The following GPBP1 variants were observed in gnomAD, a reference collection of about 807,000 sequenced individuals.
GPBP1 encodes vasculin.
Under a neutral mutation model 56.5 loss-of-function variants are expected in GPBP1, and 13 were observed. The ratio of observed to expected loss-of-function variants is 0.23; its 90% confidence interval spans 0.15 to 0.37. The LOEUF (loss-of-function observed/expected upper bound fraction) is 0.37, where lower values mean the gene tolerates loss of function less well. GPBP1 is among the 10% of genes least tolerant of loss of function. GPBP1 has a pLI of 1.00. For missense variants in GPBP1, 477 were observed against 572.3 expected, an observed-to-expected ratio of 0.83 and a Z score of 1.70; for synonymous variants, 204 against 188.9, an observed-to-expected ratio of 1.08 and a Z score of -0.66.
At chr5:57,185,201 A>G (rs1282332422) in intron 2 of GPBP1, among the ~76,000 whole-genome samples, 1 of 150,178 alleles carries the variant, frequency 6.7e-6, no homozygotes, top group Non-Finnish European at 1.5e-5. Context: ...AATGGGTGTT[A>G]GTTGTTATCA....
At chr5:57,209,099 T>C (rs934082981) in intron 2 of GPBP1, among the ~76,000 whole-genome samples, 8 of 152,244 alleles carry the variant, frequency 5.3e-5, no homozygotes, top group Admixed American at 5.2e-4. Flanking sequence ...AATTGAGTTG[T>C]TTTCCTAATT....
chr5:57,234,213 A>T (rs1225793569), intron 5 of GPBP1, among the ~76,000 whole-genome samples: 13 of 152,208 alleles, frequency 8.5e-5, no homozygotes, highest in African/African-American at 2.7e-4. Flanking sequence ...TTTAATATAT[A>T]TTAAGTACCT....
At chr5:57,252,103 C>T (rs1003029140) in intron 10 of GPBP1, among the ~76,000 whole-genome samples, 15 of 151,898 alleles carry the variant, frequency 9.9e-5, no homozygotes, top group Admixed American at 5.9e-4. Flanking sequence ...TTTTCATTCT[C>T]TCAGTAGTGC....
chr5:57,200,482 C>T (rs1579996904), intron 2 of GPBP1, among the ~76,000 whole-genome samples: 2 of 150,092 alleles, frequency 1.3e-5, no homozygotes, highest in Admixed American at 1.3e-4. Context: ...ATTCTTCTGC[C>T]TCAGCCTCCC....
intron 3 of GPBP1, among the ~76,000 whole-genome samples, chr5:57,217,848 C>CCT (rs764691365): frequency 6.6e-6 from 1 of 151,870 alleles, no homozygotes; most frequent in Non-Finnish European, 1.5e-5. Flanking sequence ...TGAAACCCTG[C>CCT]CTCTCTACAA....
Position 57,249,250 on chromosome 5 carries a change from G to T in GPBP1, c.805-159G>T, listed in dbSNP as rs986450453. ...AATTATTTTGTTGACTCATTCAGTA[G>T]GGGAAAAAACAGGGATAGAACTAGA... On this transcript the variant is annotated intron_variant, in intron 8 of 11. Coordinates refer to ENST00000506184, the MANE Select transcript of GPBP1 (RefSeq NM_022913.4). 4.4e-5 allele frequency: 22 copies of T among 505,048 alleles called. No homozygotes were observed. In the East Asian group the frequency reaches 7.1e-4, roughly 16 times the overall value. 31.3% of individuals were successfully genotyped at this position (505,048 alleles called of 1,614,324 possible). A position where few individuals can be genotyped will look rare whatever the true frequency, so the allele number is the denominator to read the frequency against.
rs2111589967 is a variant in GPBP1, at chr5:57,183,763, G to C, written c.-58+7363G>C. ...ATATTTTTTAATACGGGGGGGATAT[G>C]AATTTTTTTTTTTTTTTTTTGTTTT... On this transcript the variant is annotated intron_variant, in intron 2 of 11. Transcript: ENST00000506184. Among the ~76,000 whole-genome samples the C allele has an allele frequency of 3.1e-5, 4 of 129,602 alleles. No individual in the cohort carries two copies. In the South Asian group the frequency reaches 1.0e-3, roughly 32 times the overall value. 85.0% of individuals were successfully genotyped at this position (129,602 alleles called of 152,430 possible).
At chr5:57,250,018 C>A (rs1168514363) in intron 9 of GPBP1, among the ~76,000 whole-genome samples, 14 of 92,214 alleles carry the variant, frequency 1.5e-4, no homozygotes, top group Non-Finnish European at 3.0e-4. Context: ...ACTCTATCAC[C>A]CAAGCGGAGT....
chr5:57,262,813 A>C lies in GPBP1; in HGVS notation c.*61A>C. The C allele has an allele frequency of 7.0e-7, 1 of 1,430,242 alleles. No individual in the cohort carries two copies. Among genetic ancestry groups the C allele is most frequent in the South Asian group, 1.3e-5 (1 of 77,988 alleles). 88.6% of individuals were successfully genotyped at this position (1,430,242 alleles called of 1,614,324 possible). On this transcript the variant is annotated 3_prime_UTR_variant, in exon 12 of 12. Coordinates refer to ENST00000506184, the MANE Select transcript of GPBP1 (RefSeq NM_022913.4). ...TACATCTCTCATACAGTTTGGGGTG[A>C]ATTGTAAAAATGAAGAACTATAATT...
chr5:57,179,305 A>G (rs893503977), intron 2 of GPBP1, among the ~76,000 whole-genome samples: 6 of 152,152 alleles, frequency 3.9e-5, no homozygotes, highest in African/African-American at 1.2e-4. Flanking sequence ...CTGTTTTGCT[A>G]TTTGCAGTAA....
chr5:57,199,928 T>C (rs1046697456), intron 2 of GPBP1, among the ~76,000 whole-genome samples: 2 of 152,008 alleles, frequency 1.3e-5, no homozygotes, highest in Non-Finnish European at 2.9e-5. Flanking sequence ...GTTTTTTTTT[T>C]TCTTTTGGAA....
chr5:57,228,448 C>CT (rs1401984603), intron 3 of GPBP1, among the ~76,000 whole-genome samples: 1 of 143,642 alleles, frequency 7.0e-6, no homozygotes, highest in Non-Finnish European at 1.6e-5. Flanking sequence ...GAGCGAGACT[C>CT]TGTCTCAAAA....
At chr5:57,177,379 T>C (rs1753830369) in intron 2 of GPBP1, among the ~76,000 whole-genome samples, 1 of 152,156 alleles carries the variant, frequency 6.6e-6, no homozygotes, top group South Asian at 2.1e-4. Context: ...TCTCTTTGAC[T>C]AATGACAAAA....
intron 2 of GPBP1, among the ~76,000 whole-genome samples, chr5:57,200,201 A>G (rs964858373): frequency 1.9e-4 from 28 of 145,130 alleles, no homozygotes; most frequent in African/African-American, 6.9e-4. Flanking sequence ...TCGTTTTAGA[A>G]TTATGCTGCT....
In GPBP1 at chr5:57,175,608, G is replaced by A. The variant is rs1428636369; in HGVS notation, c.-850G>A. 5.0e-6 allele frequency: 2 copies of A among 397,110 alleles called. No homozygotes were observed. The highest frequency in any genetic ancestry group is 8.9e-6 in the Non-Finnish European group (2 of 225,488). 24.6% of individuals were successfully genotyped at this position (397,110 alleles called of 1,614,324 possible). On this transcript the variant is annotated 5_prime_UTR_variant, in exon 2 of 12. The change creates a new upstream start codon in the 5' untranslated region. Transcript: ENST00000506184. ...TCGTCTGTGAAGTGAATTGATAGTA[G>A]TGAACAATTCAGCAAGCTACTTAAA...
intron 6 of GPBP1, among the ~76,000 whole-genome samples, chr5:57,244,413 TAG>T (rs1740988302): frequency 6.6e-6 from 1 of 152,240 alleles, no homozygotes; most frequent in South Asian, 2.1e-4. Context: ...CACATTGAAC[TAG>T]AAGTCTCTGT....
chr5:57,203,925 T>C (rs938084597), intron 2 of GPBP1, among the ~76,000 whole-genome samples: 1 of 152,220 alleles, frequency 6.6e-6, no homozygotes, highest in Non-Finnish European at 1.5e-5. Context: ...GAATTTTTGC[T>C]ACCTTTAGAG....
chr5:57,178,526 C>A (rs1211694049), intron 2 of GPBP1, among the ~76,000 whole-genome samples: 4 of 152,154 alleles, frequency 2.6e-5, no homozygotes, highest in Non-Finnish European at 5.9e-5. Context: ...GATTACAGGC[C>A]TGAGCCACTG....
intron 2 of GPBP1, among the ~76,000 whole-genome samples, chr5:57,187,138 A>T (rs1754328062): frequency 6.6e-6 from 1 of 151,862 alleles, no homozygotes; most frequent in South Asian, 2.1e-4. Context: ...GATGTCTTAC[A>T]TTTTCTAAAA....
Sources: allele counts gnomAD v4.1 joint callset (sites outside exome capture counted in the v4.1 genomes callset), GRCh38; gene constraint gnomAD v4.1.1; transcripts MANE v1.5; gene names NCBI Gene and HGNC (gene_info 2026-07-23, HGNC 2026-07-21).